TRIP6: variants seen among roughly 807,000 people sequenced by gnomAD.
The protein encoded by TRIP6 is thyroid receptor-interacting protein 6.
In TRIP6, 33 loss-of-function variants were observed where a neutral mutation model predicts 51.9. The ratio of observed to expected loss-of-function variants is 0.64; its 90% CI spans 0.48 to 0.85. The LOEUF is 0.85. Ranked by LOEUF, TRIP6 falls within the 40% of genes least tolerant of loss-of-function variation. The pLI is 0.00. For synonymous variants in TRIP6, 255 were observed against 275.8 expected, an observed-to-expected ratio of 0.92 and a Z score of 0.75; for missense variants, 661 against 652.1, an observed-to-expected ratio of 1.01 and a Z score of -0.15.
intron 3 of TRIP6, 27 bp from the exon 4 acceptor site, chr7:100,868,468 C>G (rs372095334): frequency 6.2e-7 from 1 of 1,612,918 alleles, no homozygotes; most frequent in East Asian, 2.2e-5. Context: ...TCCTTGCTTA[C>G]GACTTCTGGC....
chr7:100,868,136 G>A lies in TRIP6; in HGVS notation c.266G>A (p.Arg89His). The change falls in exon 3 of 9, where the codon CGC becomes CAC. Residue 89 changes from arginine (R) to histidine (H), a missense_variant. Arg to His is a conservative substitution (Grantham distance 29, BLOSUM62 0). Coordinates refer to ENST00000200457, the MANE Select transcript of TRIP6 (RefSeq NM_003302.3). ...CTCCCTGCAGACAGGGGGGGCCTTC[G>A]CCCTGGAAGCCTGGACGCCGAGATA... ...QGLPADRGGL[R>H]PGSLDAEIDL... 1.2e-6 allele frequency: 2 copies of A among 1,611,788 alleles called. No individual in the cohort carries two copies. Among genetic ancestry groups the A allele is most frequent in the Middle Eastern group, 1.7e-4 (1 of 6,042 alleles).
At chr7:100,870,803 A>G (rs1815253745) in intron 6 of TRIP6, 60 bp downstream of exon 6, 1 of 1,560,942 alleles carries the variant, frequency 6.4e-7, no homozygotes, top group African/African-American at 1.3e-5. Flanking sequence ...CTTCCATCCA[A>G]GGTGGTAACT....
rs777418973 is a variant in TRIP6, at chr7:100,871,639, G to T, written c.1096G>T (p.Val366Leu). ...CTACCACCCTGGCTGCTTCACCTGC[G>T]TGGTGTGTCACCGCGGCCTCGACGG... Reference protein sequence around the residue: ...KAYHPGCFTCVVCHRGLDGIP... With the variant: ...KAYHPGCFTCLVCHRGLDGIP... Residue 366 changes from valine (V) to leucine (L), a missense_variant, in exon 7 of 9, where the codon GTG becomes TTG. Transcript: ENST00000200457. The T allele has an allele frequency of 1.2e-6, 2 of 1,613,972 alleles. No homozygotes were observed. Among genetic ancestry groups the T allele is most frequent in the Admixed American group, 1.7e-5 (1 of 60,006 alleles).
rs1421232738 is a variant in TRIP6 at position 100,867,680 on chromosome 7, C to T, written c.109+74C>T. On this transcript the variant is annotated intron_variant, in intron 1 of 8. Transcript: ENST00000200457. This position sits in a 1 kb window ranked among gnomAD's most constrained non-coding sequence, Gnocchi z 5.4. ...CCTCTGTCCTACCGCTCCAGCCTCCCGCCCTGGCTGCTTCCTCCTGCCCCT... is the reference window on the plus strand; with the variant it reads ...CCTCTGTCCTACCGCTCCAGCCTCCTGCCCTGGCTGCTTCCTCCTGCCCCT... The T allele has an allele frequency of 1.2e-5, 19 of 1,564,622 alleles. No individual in the cohort carries two copies. Among genetic ancestry groups the T allele is most frequent in the Admixed American group, 3.6e-5 (2 of 55,536 alleles).
Position 100,872,661 on chromosome 7 carries a change from A to G in TRIP6, c.1216A>G (p.Ile406Val), listed in dbSNP as rs1331409273. Residue 406 changes from isoleucine to valine, a missense_variant, in exon 8 of 9, where the codon ATA becomes GTA. Transcript: ENST00000200457. ...APRCSVCGGA[I>V]MPEPGQEETV... ...AAGATGCTCAGTGTGCGGTGGGGCC[A>G]TAATGCCTGAGCCAGGTCAGGAGGA... 4.3e-6 allele frequency: 7 copies of G among 1,613,936 alleles called. No homozygotes were observed. Among genetic ancestry groups the G allele is most frequent in the Non-Finnish European group, 5.9e-6 (7 of 1,179,980 alleles).
rs1233947170 is a variant in TRIP6, at chr7:100,870,696, C to T, written c.952C>T (p.His318Tyr). 1 of 1,613,976 alleles carries T rather than the reference C, an allele frequency of 6.2e-7. No homozygotes were observed. Among genetic ancestry groups the T allele is most frequent in the African/African-American group, 1.3e-5 (1 of 74,910 alleles). The change falls in exon 6 of 9, where the codon CAT (histidine) becomes TAT (tyrosine). Residue 318 changes from histidine (H) to tyrosine (Y), a missense_variant. His to Tyr is a moderately conservative substitution (Grantham distance 83). Transcript: ENST00000200457. ...STCRAQLRGQ[H>Y]FYAVERRAYC... ...ATGCCGGGCCCAGCTTCGCGGCCAG[C>T]ATTTCTACGCCGTGGAGAGGAGGGC...
chr7:100,871,731 G>A lies in TRIP6; in HGVS notation c.1178+10G>A. The A allele has an allele frequency of 6.2e-7, 1 of 1,611,206 alleles. No individual in the cohort carries two copies. The highest frequency in any genetic ancestry group is 8.5e-7 in the Non-Finnish European group (1 of 1,177,966). On this transcript the variant is annotated intron_variant, in intron 7 of 8. Transcript: ENST00000200457. ...TTGAGGACTTTCACAGGTCAGGCCT[G>A]GCCTCCACCTTGTCTCACAATGTCT...
chr7:100,870,697 A>G lies in TRIP6; in HGVS notation c.953A>G (p.His318Arg), dbSNP rs763772497. The change falls in exon 6 of 9, where the codon CAT becomes CGT. Residue 318 changes from histidine (H) to arginine (R), a missense_variant. Transcript: ENST00000200457. ...TGCCGGGCCCAGCTTCGCGGCCAGC[A>G]TTTCTACGCCGTGGAGAGGAGGGCA... ...STCRAQLRGQ[H>R]FYAVERRAYC... 9 of 1,614,064 alleles carry G rather than the reference A, an allele frequency of 5.6e-6. No individual in the cohort carries two copies. Among genetic ancestry groups the G allele is most frequent in the Non-Finnish European group, 7.6e-6 (9 of 1,179,978 alleles).
At chr7:100,872,376 C>T (rs946992005) in intron 7 of TRIP6, among the ~76,000 whole-genome samples, 3 of 152,084 alleles carry the variant, frequency 2.0e-5, no homozygotes, top group African/African-American at 7.2e-5. Flanking sequence ...GCTGTGTTGC[C>T]TAGGCTGGTC....
intron 3 of TRIP6, 75 bp downstream of exon 3, chr7:100,868,308 C>A: frequency 6.4e-7 from 1 of 1,572,828 alleles, no homozygotes; most frequent in Non-Finnish European, 8.6e-7. Flanking sequence ...ATCGATCCCC[C>A]ATGTGTGTAA....
chr7:100,870,539 C>T (rs1325938917), intron 5 of TRIP6, 35 bp from the exon 6 acceptor site: 1 of 1,607,966 alleles, frequency 6.2e-7, no homozygotes, highest in African/African-American at 1.3e-5. Flanking sequence ...CTTCCTGGGT[C>T]TGTGAAGACT....
At chr7:100,870,193 C>T (rs112832399) in intron 4 of TRIP6, among the ~76,000 whole-genome samples, 177 bp from the exon 5 acceptor site, 318 of 152,338 alleles carry the variant, frequency 2.1e-3, no homozygotes, top group African/African-American at 7.4e-3. Context: ...AGGTGGAGCT[C>T]AGGCGGTAAT....
intron 3 of TRIP6, 34 bp downstream of exon 3, chr7:100,868,267 C>T (rs756077612): frequency 2.5e-6 from 4 of 1,596,484 alleles, no homozygotes; most frequent in Non-Finnish European, 3.4e-6. Flanking sequence ...CAGCACCCTG[C>T]CCCCTTCTCT....
At chr7:100,868,294 C>G in intron 3 of TRIP6, 61 bp downstream of exon 3, 1 of 1,576,804 alleles carries the variant, frequency 6.3e-7, no homozygotes, top group Non-Finnish European at 8.6e-7. Flanking sequence ...TCAGACCCAG[C>G]CTGATCGATC....
Position 100,872,741 on chromosome 7 carries a change from C to A in TRIP6, c.1296C>A (p.Cys432Ter). The A allele has an allele frequency of 6.2e-7, 1 of 1,613,734 alleles. No individual in the cohort carries two copies. The highest frequency in any genetic ancestry group is 8.5e-7 in the Non-Finnish European group (1 of 1,179,798). Residue 432 changes from cysteine (C) to a stop codon, truncating the protein, a stop_gained, in exon 8 of 9, where the codon TGC becomes TGA. Transcript: ENST00000200457. LOFTEE classifies it high-confidence loss of function. ...DRSFHIGCYK[C>*]EECGLLLSSE... ...GTTTTCACATTGGCTGTTACAAGTGCGAGGTCAGGGGCCCCCAGCACGTGC... is the reference window on the plus strand; with the variant it reads ...GTTTTCACATTGGCTGTTACAAGTGAGAGGTCAGGGGCCCCCAGCACGTGC...
chr7:100,872,752 G>GC lies in TRIP6; in HGVS notation c.1299+13dup, dbSNP rs1299434458. 1 of 1,613,666 alleles carries GC rather than the reference G, an allele frequency of 6.2e-7. No homozygotes were observed. Among genetic ancestry groups the GC allele is most frequent in the African/African-American group, 1.3e-5 (1 of 74,910 alleles). ...GGCTGTTACAAGTGCGAGGTCAGGG[G>GC]CCCCCAGCACGTGCAAGGGGCTGGC... is the stretch of plus-strand genomic sequence containing the variant. On this transcript the variant is annotated intron_variant, in intron 8 of 8. Transcript: ENST00000200457.
rs2115630188 is a variant in TRIP6 at position 100,871,593 on chromosome 7, C to T, written c.1050C>T (p.Ile350=). The change falls in exon 7 of 9, where the codon ATC becomes ATT. Residue 350 remains isoleucine, a synonymous_variant. Coordinates refer to ENST00000200457, the MANE Select transcript of TRIP6 (RefSeq NM_003302.3). ...GCTCCCAGCCCATCCTGGACCGGAT[C>T]CTGCGGGCTATGGGGAAGGCCTACC... ...ATCSQPILDR[I]LRAMGKAYHP... is the part of the protein sequence containing the mutation. 6.2e-7 allele frequency: 1 copy of T among 1,614,124 alleles called. No homozygotes were observed. Among genetic ancestry groups the T allele is most frequent in the Non-Finnish European group, 8.5e-7 (1 of 1,180,034 alleles).
chr7:100,871,001 CCT>C, intron 6 of TRIP6: 1 of 662,140 alleles, frequency 1.5e-6, no homozygotes, highest in Non-Finnish European at 2.7e-6. Context: ...CCATGACACC[CCT>C]GTGAGGCAGG....
In TRIP6 at chr7:100,873,223, C is replaced by A. The variant is rs750887948; in HGVS notation, c.1351C>A (p.Leu451Met). 1.2e-6 allele frequency: 2 copies of A among 1,613,880 alleles called. No homozygotes were observed. Among genetic ancestry groups the A allele is most frequent in the Non-Finnish European group, 1.7e-6 (2 of 1,179,866 alleles). ...SEGECQGCYP[L>M]DGHILCKACS... ...GGGCGAGTGTCAGGGCTGCTACCCG[C>A]TGGATGGGCACATCTTGTGCAAGGC... Residue 451 changes from leucine to methionine, a missense_variant, in exon 9 of 9, where the codon CTG becomes ATG. By Grantham distance (15) the Leu-to-Met change is conservative (BLOSUM62 2). Transcript: ENST00000200457.
Sources: gnomAD v4.1 joint callset for allele counts (sites outside exome capture counted in the v4.1 genomes callset) on GRCh38, gnomAD v4.1.1 for gene constraint, Gnocchi (gnomAD v3.1) non-coding constraint, MANE v1.5 for transcripts, NCBI Gene and HGNC (gene_info 2026-07-23, HGNC 2026-07-21) for gene names.